SECISBP2: variants seen among roughly 807,000 people sequenced by gnomAD.
The protein encoded by SECISBP2 is selenocysteine insertion sequence-binding protein 2.
Under a neutral mutation model 98.2 loss-of-function variants are expected in SECISBP2, and 96 were observed. The observed-to-expected ratio is 0.98, with a 90% CI of 0.83 to 1.16. The LOEUF (loss-of-function observed/expected upper bound fraction) is 1.16. Among genes scored for constraint, SECISBP2 ranks in the 50% most tolerant of loss-of-function variants. SECISBP2 has a pLI of 0.00. For missense variants in SECISBP2, 1,046 were observed against 1,022.9 expected, an observed-to-expected ratio of 1.02 and a Z score of -0.31; for synonymous variants, 407 against 370.2, an observed-to-expected ratio of 1.10 and a Z score of -1.14.
chr9:89,364,939 G>A, the SECISBP2 span: 2 of 151,656 alleles, frequency 1.3e-5, no homozygotes, highest in African/African-American at 4.9e-5. Flanking sequence ...CCAGAATGTT[G>A]GGGGTTTTGG....
chr9:89,339,350 A>G (rs1829301778), intron 8 of SECISBP2, among the ~76,000 whole-genome samples: 2 of 152,258 alleles, frequency 1.3e-5, no homozygotes, highest in Admixed American at 1.3e-4. Context: ...GGTTTAGACA[A>G]GTGAATAATT....
At position 89,330,743 on chromosome 9, in the gene SECISBP2, G is replaced by C. The variant is rs148807141; in HGVS notation, c.801+1857G>C. ...GCCTGCTCCAGGGGCTCCAGGCTGG[G>C]TTTGTGCGGTGGCTGAATAGCCACG... On this transcript the variant is annotated intron_variant, in intron 5 of 16. Coordinates refer to ENST00000375807, the MANE Select transcript of SECISBP2 (RefSeq NM_024077.5). Among the ~76,000 whole-genome samples the C allele has an allele frequency of 3.0e-3, 464 of 152,324 alleles. 4 individuals are homozygous for C. The highest frequency in any genetic ancestry group is 5.4e-3 in the Non-Finnish European group (365 of 68,026).
At chr9:89,361,025 G>A (rs1226791392), downstream of SECISBP2, 2 of 152,202 alleles carry the variant, frequency 1.3e-5, no homozygotes, top group African/African-American at 4.8e-5. Context: ...TGTAGTGGTT[G>A]AAGCCACACC....
chr9:89,357,422 G>A lies in SECISBP2; in HGVS notation c.2125G>A (p.Asp709Asn), dbSNP rs781126305. 1 of 1,614,142 alleles carries A rather than the reference G, an allele frequency of 6.2e-7. No individual in the cohort carries two copies. The highest frequency in any genetic ancestry group is 8.5e-7 in the Non-Finnish European group (1 of 1,180,042). ...EKIQSKGGLDDTLHTIIDYAC... is the reference protein window; with the variant it reads ...EKIQSKGGLDNTLHTIIDYAC... ...TGTCCTTTGACCAGGTGGGCTGGAT[G>A]ACACTTTGCACACAATTATTGATTA... Residue 709 changes from aspartate to asparagine, a missense_variant, in exon 15 of 17, where the codon GAC becomes AAC. Coordinates refer to ENST00000375807, the MANE Select transcript of SECISBP2 (RefSeq NM_024077.5).
chr9:89,319,557 C>T, intron 1 of SECISBP2, 95 bp from the exon 2 acceptor site: 1 of 1,378,000 alleles, frequency 7.3e-7, no homozygotes, highest in South Asian at 1.2e-5. Flanking sequence ...GGGAACATTT[C>T]TGGGGCTATT....
chr9:89,336,033 T>C (rs973179130), intron 7 of SECISBP2, among the ~76,000 whole-genome samples: 1 of 150,542 alleles, frequency 6.6e-6, no homozygotes, highest in African/African-American at 2.4e-5. Flanking sequence ...TTACTTGTTA[T>C]AAGATAGCAT....
downstream of SECISBP2, among the ~76,000 whole-genome samples, chr9:89,360,418 A>G (rs1489957823): frequency 6.6e-6 from 1 of 152,238 alleles, no homozygotes; most frequent in East Asian, 1.9e-4. Context: ...TGCACTCAGC[A>G]GCTAGAATTT....
chr9:89,357,474 T>A lies in SECISBP2; in HGVS notation c.2177T>A (p.Val726Glu), dbSNP rs1380368874. The change falls in exon 15 of 17, where the codon GTG (valine) becomes GAG (glutamate). Residue 726 changes from valine (V) to glutamate (E), a missense_variant. By Grantham distance (121) the Val-to-Glu change is moderately radical. Transcript: ENST00000375807. ...DYACEQNIPF[V>E]FALNRKALGR... is the part of the protein sequence containing the mutation. ...GCCTGTGAGCAGAACATTCCCTTTG[T>A]GTTTGCTCTCAACCGCAAAGCTCTG... is the stretch of plus-strand genomic sequence containing the variant. 1 of 1,614,156 alleles carries A rather than the reference T, an allele frequency of 6.2e-7. No individual in the cohort carries two copies. Among genetic ancestry groups the A allele is most frequent in the Non-Finnish European group, 8.5e-7 (1 of 1,179,992 alleles).
intron 5 of SECISBP2, chr9:89,332,469 C>T (rs892999372): frequency 1.1e-4 from 25 of 233,790 alleles, no homozygotes; most frequent in African/African-American, 5.6e-4. Flanking sequence ...TGTGCTTCAC[C>T]TGTTTATCCC....
At chr9:89,354,519 T>TG (rs1831768453) in intron 14 of SECISBP2, among the ~76,000 whole-genome samples, 1 of 152,154 alleles carries the variant, frequency 6.6e-6, no homozygotes, top group South Asian at 2.1e-4. Flanking sequence ...AGGGTTCTGT[T>TG]GGGGGCCGGT....
In SECISBP2 at chr9:89,348,160, C is replaced by A; in HGVS notation, c.1684C>A (p.Gln562Lys). ...TCCAGCTTTTACCAGTGATGACACA[C>A]AAGATGGAGAGAGTGGTGGTGATGA... ...VSPAFTSDDT[Q>K]DGESGGDDQF... Residue 562 changes from glutamine (Q) to lysine (K), a missense_variant, in exon 12 of 17, where the codon CAA (glutamine) becomes AAA (lysine). Coordinates refer to ENST00000375807, the MANE Select transcript of SECISBP2 (RefSeq NM_024077.5). The A allele has an allele frequency of 6.2e-7, 1 of 1,614,176 alleles. No homozygotes were observed. The highest frequency in any genetic ancestry group is 1.3e-5 in the African/African-American group (1 of 75,068).
At chr9:89,364,394 C>G (rs532910927), downstream of SECISBP2, 8 of 271,514 alleles carry the variant, frequency 2.9e-5, no homozygotes, top group African/African-American at 1.5e-4. Context: ...AGAGCTCGGC[C>G]AGCTGTGTGC....
chr9:89,341,399 T>TG lies in SECISBP2; in HGVS notation c.1361dup (p.Met455HisfsTer105), dbSNP rs771620538. The TG allele has an allele frequency of 3.1e-6, 5 of 1,613,860 alleles. No individual in the cohort carries two copies. The highest frequency in any genetic ancestry group is 1.3e-5 in the African/African-American group (1 of 74,890). On this transcript the variant is annotated frameshift_variant, in exon 10 of 17. Coordinates refer to ENST00000375807, the MANE Select transcript of SECISBP2 (RefSeq NM_024077.5). LOFTEE classifies it high-confidence loss of function. ...AGCCAGCTTCCAGTGCAGTTGGACT[T>TG]GGGGGGCATGCTGACAGCCCTGGAG... is the stretch of plus-strand genomic sequence containing the variant.
At chr9:89,329,026 G>T (rs1164617100) in intron 5 of SECISBP2, 140 bp downstream of exon 5, 1 of 705,418 alleles carries the variant, frequency 1.4e-6, no homozygotes, top group Non-Finnish European at 2.5e-6. Context: ...GCCTTTCATT[G>T]TGCACTTATA....
Position 89,332,854 on chromosome 9 carries a change from C to T in SECISBP2, c.802-54C>T. On this transcript the variant is annotated intron_variant, in intron 5 of 16. Transcript: ENST00000375807. ...TCTGGATTTTGATATGTAGTGTTAT[C>T]TCCTTGTTTTAATTTGCATTTCTCT... 3 of 1,370,042 alleles carry T rather than the reference C, an allele frequency of 2.2e-6. No homozygotes were observed. In the South Asian group the frequency reaches 3.5e-5, roughly 16 times the overall value. 84.9% of individuals were successfully genotyped at this position (1,370,042 alleles called of 1,614,324 possible).
chr9:89,366,336 TAACA>T, the SECISBP2 span, among the ~76,000 whole-genome samples: 1 of 148,532 alleles, frequency 6.7e-6, no homozygotes, highest in Non-Finnish European at 1.5e-5. Context: ...TCCAAACTTA[TAACA>T]AACAAGCATT....
chr9:89,364,145 C>T, downstream of SECISBP2: 1 of 1,125,796 alleles, frequency 8.9e-7, no homozygotes, highest in Admixed American at 2.6e-5. Flanking sequence ...CTTGGCCCGT[C>T]CTGTGGACTT....
In SECISBP2 at chr9:89,349,899, TC is replaced by T; in HGVS notation, c.1865del (p.Pro622LeufsTer56). The T allele has an allele frequency of 6.2e-7, 1 of 1,614,148 alleles. No homozygotes were observed. The highest frequency in any genetic ancestry group is 2.2e-5 in the East Asian group (1 of 44,892). On this transcript the variant is annotated frameshift_variant, in exon 13 of 17. Coordinates refer to ENST00000375807, the MANE Select transcript of SECISBP2 (RefSeq NM_024077.5). LOFTEE classifies it high-confidence loss of function. ...ASHLAPNHTT[F>X]PKIHSRRFRD... The stretch of plus-strand genomic sequence containing the variant: ...CACCTTGCTCCCAATCACACCACCT[TC>T]CCTAAGATCCACAGCCGCAGATTCA...
chr9:89,336,766 CTTTT>C (rs1167993596), intron 7 of SECISBP2, among the ~76,000 whole-genome samples: 1 of 75,200 alleles, frequency 1.3e-5, no homozygotes, highest in Non-Finnish European at 2.3e-5. Context: ...CTGTCTAATT[CTTTT>C]TTTTTTTTTT....
Sources: allele counts gnomAD v4.1 joint callset (sites outside exome capture counted in the v4.1 genomes callset), GRCh38; gene constraint gnomAD v4.1.1; transcripts MANE v1.5; gene names NCBI Gene and HGNC (gene_info 2026-07-23, HGNC 2026-07-21).